The following EBF2 variants were observed in gnomAD, a reference collection of about 807,000 sequenced individuals.
The protein encoded by EBF2 is EBF transcription factor 2.
EBF2 carries 21 observed loss-of-function variants against 72.8 expected under a neutral mutation model. The ratio of observed to expected loss-of-function variants is 0.29; its 90% confidence interval spans 0.20 to 0.42. EBF2 has a LOEUF of 0.42. Among genes scored for constraint, EBF2 ranks in the 10% least tolerant of loss-of-function variants. The probability of loss-of-function intolerance (pLI) is 1.00; values close to 1 mark genes in which losing one functional copy is unlikely to be tolerated. For synonymous variants in EBF2, 299 were observed against 274.2 expected, an observed-to-expected ratio of 1.09 and a Z score of -0.89; for missense variants, 637 against 731.2, an observed-to-expected ratio of 0.87 and a Z score of 1.49.
chr8:25,992,199 G>T (rs1804555755), intron 6 of EBF2, among the ~76,000 whole-genome samples: 2 of 151,794 alleles, frequency 1.3e-5, no homozygotes, highest in Non-Finnish European at 2.9e-5. Flanking sequence ...AATTAGCTGG[G>T]CATGGTGGCA....
chr8:25,917,763 C>T (rs1263882306), intron 6 of EBF2, among the ~76,000 whole-genome samples: 3 of 152,114 alleles, frequency 2.0e-5, no homozygotes, highest in Admixed American at 6.5e-5. Context: ...TCCTTCCCCT[C>T]CCCCTCCCAT....
intron 14 of EBF2, chr8:25,858,091 G>T (rs748660361): frequency 1.5e-6 from 1 of 667,566 alleles, no homozygotes; most frequent in Non-Finnish European, 2.7e-6. Flanking sequence ...CTATAAAAAC[G>T]GAATTGTTTC....
intron 6 of EBF2, among the ~76,000 whole-genome samples, chr8:26,011,675 T>C (rs1441500465): frequency 3.3e-5 from 5 of 152,214 alleles, no homozygotes; most frequent in Admixed American, 6.5e-5. Context: ...AAAAGGACCC[T>C]GAGCAAGACC....
intron 10 of EBF2, among the ~76,000 whole-genome samples, chr8:25,869,217 CT>C (rs1802387928): frequency 1.3e-5 from 2 of 152,220 alleles, no homozygotes; most frequent in Non-Finnish European, 2.9e-5. Context: ...ATCTTTTTGT[CT>C]TTCTCACACA....
intron 6 of EBF2, among the ~76,000 whole-genome samples, chr8:26,021,192 G>C (rs559708709): frequency 6.6e-6 from 1 of 152,232 alleles, no homozygotes; most frequent in South Asian, 2.1e-4. Flanking sequence ...GGCATTGAGA[G>C]GTGACAAAAA....
At chr8:25,935,906 C>A (rs1016767866) in intron 6 of EBF2, among the ~76,000 whole-genome samples, 1 of 152,140 alleles carries the variant, frequency 6.6e-6, no homozygotes, top group Non-Finnish European at 1.5e-5. Context: ...CGTGGCTTTC[C>A]AAAGTTGCGA....
intron 9 of EBF2, among the ~76,000 whole-genome samples, chr8:25,887,379 G>T (rs1336025514): frequency 1.3e-5 from 2 of 152,100 alleles, no homozygotes; most frequent in Non-Finnish European, 2.9e-5. Context: ...TTTATATGAT[G>T]ATGAAAGTCA....
rs866196542 is a variant in EBF2 at position 25,904,527 on chromosome 8, G to A, written c.633+3947C>T. On this transcript the variant is annotated intron_variant, in intron 7 of 15. Transcript: ENST00000520164. The stretch of plus-strand genomic sequence containing the variant: ...TATTCCATTCAGATCAAATCCTCAC[G>A]AAAGAATCCTTCATATTAAATTTAT... 1.7e-4 allele frequency among the ~76,000 whole-genome samples: 26 copies of A among 152,130 alleles called. 1 individual carries two copies. The highest frequency in any genetic ancestry group is 1.4e-3 in the Admixed American group (22 of 15,276).
intron 6 of EBF2, among the ~76,000 whole-genome samples, chr8:25,936,790 A>G (rs1432159518): frequency 6.6e-6 from 1 of 152,168 alleles, no homozygotes; most frequent in Non-Finnish European, 1.5e-5. Context: ...ATACTTTCCT[A>G]AAAGTATATA....
rs1802065905 is a variant in EBF2, at chr8:25,855,304, T to G, written c.1528+3015A>C. Among the ~76,000 whole-genome samples, 3 of 152,142 alleles carry G rather than the reference T, an allele frequency of 2.0e-5. No individual in the cohort carries two copies. In the South Asian group the frequency reaches 6.2e-4, roughly 31 times the overall value. ...TCAGCATTTCATTATAATCCCCTAT[T>G]GTCAGGGGTTTAGAATTCAGCCATA... On this transcript the variant is annotated intron_variant, in intron 14 of 15. Coordinates refer to ENST00000520164, the MANE Select transcript of EBF2 (RefSeq NM_022659.4).
At chr8:25,899,271 A>G (rs776752146) in intron 7 of EBF2, among the ~76,000 whole-genome samples, 3 of 151,714 alleles carry the variant, frequency 2.0e-5, no homozygotes, top group Non-Finnish European at 2.9e-5. Flanking sequence ...CAAATAGATA[A>G]TTATGATTTC....
At chr8:25,875,000 C>T (rs1802499007) in intron 10 of EBF2, among the ~76,000 whole-genome samples, 5 of 151,832 alleles carry the variant, frequency 3.3e-5, no homozygotes, top group Admixed American at 3.3e-4. Flanking sequence ...CCTTTTAATA[C>T]CTGCTTCCTT....
In EBF2 at chr8:25,979,427, G is replaced by T. The variant is rs560159437; in HGVS notation, c.551+53658C>A. Among the ~76,000 whole-genome samples the T allele has an allele frequency of 3.9e-5, 6 of 152,340 alleles. No individual in the cohort carries two copies. The East Asian group carries it at 1.2e-3, about 29-fold the overall frequency. ...TCGGATCAGGAGATGGCTGTGGCGTGCTGCGTAATATTTTTAAAAGCCCAT... is the reference window on the plus strand; with the variant it reads ...TCGGATCAGGAGATGGCTGTGGCGTTCTGCGTAATATTTTTAAAAGCCCAT... On this transcript the variant is annotated intron_variant, in intron 6 of 15. Coordinates refer to ENST00000520164, the MANE Select transcript of EBF2 (RefSeq NM_022659.4).
In EBF2 at chr8:26,045,247, T is replaced by A. The variant is rs1805684330; in HGVS notation, c.-388A>T. 1 of 150,594 alleles carries A rather than the reference T, an allele frequency of 6.6e-6. No individual in the cohort carries two copies. Among genetic ancestry groups the A allele is most frequent in the Non-Finnish European group, 1.4e-5 (1 of 69,484 alleles). 9.3% of individuals were successfully genotyped at this position (150,594 alleles called of 1,614,324 possible). A position where few individuals can be genotyped will look rare whatever the true frequency, so the allele number is the denominator to read the frequency against. Reference sequence around the variant, plus strand: ...CTCTCCCCTTCCTCCAGGTCCCCCCTCCCTGCTCCTCCCCACCGTTCCAAT... The same window carrying A: ...CTCTCCCCTTCCTCCAGGTCCCCCCACCCTGCTCCTCCCCACCGTTCCAAT... On this transcript the variant is annotated 5_prime_UTR_variant, in exon 1 of 16. Transcript: ENST00000520164.
At chr8:25,956,982 A>G (rs1464523774) in intron 6 of EBF2, among the ~76,000 whole-genome samples, 1 of 152,228 alleles carries the variant, frequency 6.6e-6, no homozygotes, top group East Asian at 1.9e-4. Context: ...ACCATTGTGC[A>G]TCTACCAATA....
intron 6 of EBF2, among the ~76,000 whole-genome samples, chr8:25,987,823 A>T (rs888504866): frequency 1.3e-5 from 2 of 151,154 alleles, no homozygotes; most frequent in Admixed American, 6.6e-5. Flanking sequence ...TCAAGCATTC[A>T]TGTGGGCTCC....
At position 26,042,091 on chromosome 8, in the gene EBF2, T is replaced by C. The variant is rs1805611095; in HGVS notation, c.288+4A>G. 3.1e-6 allele frequency: 5 copies of C among 1,613,108 alleles called. No homozygotes were observed. Among genetic ancestry groups the C allele is most frequent in the Non-Finnish European group, 4.2e-6 (5 of 1,179,294 alleles). Reference sequence around the variant, plus strand: ...GCGGGGTTTGGGGGGTACTTTCCGCTTACTTTGTCATTCTCCACAAAGTCC... The same window carrying C: ...GCGGGGTTTGGGGGGTACTTTCCGCCTACTTTGTCATTCTCCACAAAGTCC... On this transcript the variant is annotated splice_donor_region_variant and intron_variant, in intron 2 of 15. Transcript: ENST00000520164.
At chr8:25,958,813 T>C (rs548767878) in intron 6 of EBF2, among the ~76,000 whole-genome samples, 2 of 152,342 alleles carry the variant, frequency 1.3e-5, no homozygotes, top group African/African-American at 4.8e-5. Flanking sequence ...CCAGGAGAAC[T>C]TTTCCCCACA....
chr8:25,937,366 A>G (rs1012394598), intron 6 of EBF2, among the ~76,000 whole-genome samples: 1 of 152,042 alleles, frequency 6.6e-6, no homozygotes, highest in African/African-American at 2.4e-5. Flanking sequence ...AAGAGGCCAA[A>G]CTCTCAGCAG....
Sources: gnomAD v4.1 joint callset for allele counts (sites outside exome capture counted in the v4.1 genomes callset) on GRCh38, gnomAD v4.1.1 for gene constraint, MANE v1.5 for transcripts, NCBI Gene and HGNC (gene_info 2026-07-23, HGNC 2026-07-21) for gene names.